Variants in COL12A1 observed in about 807,000 individuals in gnomAD.
The protein encoded by COL12A1 is collagen alpha-1(XII) chain.
In COL12A1, 114 loss-of-function variants were observed where a neutral mutation model predicts 349.7. The ratio of observed to expected loss-of-function variants is 0.33; its 90% confidence interval spans 0.28 to 0.38. The LOEUF is 0.38. COL12A1 is among the 10% of genes least tolerant of loss of function. The pLI, the probability that COL12A1 is intolerant of heterozygous loss-of-function variation, is 1.00. For synonymous variants in COL12A1, 1,369 were observed against 1,329.0 expected (o/e 1.03, Z -0.66); for missense variants, 3,284 against 3,756.9 (o/e 0.87, Z 3.29).
intron 59 of COL12A1, among the ~76,000 whole-genome samples, chr6:75,096,851 C>A (rs575396414): frequency 5.4e-4 from 81 of 149,222 alleles, no homozygotes; most frequent in Non-Finnish European, 1.1e-3. Context: ...AGCCGAGATC[C>A]CGCCACTGCA....
At chr6:75,182,960 G>C in intron 10 of COL12A1, 90 bp downstream of exon 10, 1 of 1,445,394 alleles carries the variant, frequency 6.9e-7, no homozygotes, top group East Asian at 2.3e-5. Flanking sequence ...GTGTCTATAA[G>C]AAGAATTGAA....
intron 14 of COL12A1, among the ~76,000 whole-genome samples, chr6:75,156,758 G>A (rs963043758): frequency 5.9e-5 from 9 of 152,128 alleles, no homozygotes; most frequent in Non-Finnish European, 1.0e-4. Flanking sequence ...AGTTCATATT[G>A]CAGAGATTTC....
chr6:75,096,494 G>A (rs1582040439), intron 59 of COL12A1, among the ~76,000 whole-genome samples: 1 of 152,126 alleles, frequency 6.6e-6, no homozygotes, highest in Admixed American at 6.5e-5. Context: ...AATATCTTAC[G>A]TTGAAGACCC....
intron 43 of COL12A1, among the ~76,000 whole-genome samples, chr6:75,123,082 A>G (rs1457572660): frequency 1.3e-5 from 2 of 152,332 alleles, no homozygotes; most frequent in East Asian, 3.9e-4. Flanking sequence ...AAATCTGTAA[A>G]ACTGAGGAAA....
chr6:75,138,824 C>G lies in COL12A1; in HGVS notation c.5095G>C (p.Glu1699Gln), dbSNP rs1369964113. Residue 1699 changes from glutamate (E) to glutamine (Q), a missense_variant and splice_region_variant, in exon 28 of 66, where the codon GAG (glutamate) becomes CAG (glutamine). By Grantham distance (29) the Glu-to-Gln change is conservative (BLOSUM62 2). Transcript: ENST00000322507. ...GAAAGATAAAGAGAGTTAACTACCT[C>G]CATCTTATCTGAGCTTCCAAAAGGT... ...WAPFGSSDKM[E>Q]TILNGDENTL... 3 of 1,613,820 alleles carry G rather than the reference C, an allele frequency of 1.9e-6. No individual in the cohort carries two copies. Among genetic ancestry groups the G allele is most frequent in the Non-Finnish European group, 2.5e-6 (3 of 1,179,898 alleles).
At chr6:75,143,679 A>G (rs1767029889) in intron 25 of COL12A1, among the ~76,000 whole-genome samples, 4 of 152,214 alleles carry the variant, frequency 2.6e-5, no homozygotes. Flanking sequence ...CTTGCTGCTC[A>G]ACCCCATAAT....
intron 31 of COL12A1, among the ~76,000 whole-genome samples, chr6:75,135,435 C>T (rs1766555264): frequency 6.6e-6 from 1 of 152,158 alleles, no homozygotes; most frequent in Non-Finnish European, 1.5e-5. Flanking sequence ...CAGTTGTCTC[C>T]ATGATACCAG....
chr6:75,167,951 A>G (rs1020394515), intron 13 of COL12A1, among the ~76,000 whole-genome samples: 2 of 152,232 alleles, frequency 1.3e-5, no homozygotes, highest in African/African-American at 2.4e-5. Context: ...ATGGCATGAC[A>G]ACACTATTTT....
At chr6:75,169,150 T>C (rs73749978) in intron 13 of COL12A1, among the ~76,000 whole-genome samples, 274 of 152,324 alleles carry the variant, frequency 1.8e-3, no homozygotes, top group African/African-American at 6.4e-3. Flanking sequence ...TTAATGAAGT[T>C]CTAAGTGTTA....
Position 75,106,474 on chromosome 6 carries a change from A to G in COL12A1, c.8123T>C (p.Ile2708Thr), listed in dbSNP as rs1410721219. The G allele has an allele frequency of 1.2e-6, 2 of 1,613,962 alleles. No individual in the cohort carries two copies. Among genetic ancestry groups the G allele is most frequent in the Non-Finnish European group, 1.7e-6 (2 of 1,179,864 alleles). Residue 2708 changes from isoleucine to threonine, a missense_variant, in exon 53 of 66, where the codon ATT (isoleucine) becomes ACT (threonine). Transcript: ENST00000322507. ...ACTGGTCCACACTGGACTGCAGACA[A>G]TGTCAAAACTCTGGATTTGGAACTG... ...SAAFQIQSFD[I>T]VCSPVWTSRD...
chr6:75,174,054 T>C (rs1768781427), intron 13 of COL12A1, among the ~76,000 whole-genome samples: 1 of 152,210 alleles, frequency 6.6e-6, no homozygotes. Flanking sequence ...TCCCTTGCAT[T>C]ATTCACTTAG....
chr6:75,116,649 A>G (rs1582074987), intron 47 of COL12A1, among the ~76,000 whole-genome samples: 1 of 152,232 alleles, frequency 6.6e-6, no homozygotes. Context: ...GTAAACCAAC[A>G]AAGTCTGTTT....
chr6:75,115,783 C>T lies in COL12A1; in HGVS notation c.7697+1G>A, dbSNP rs1178118885. On this transcript the variant is annotated splice_donor_variant, in intron 49 of 65. Transcript: ENST00000322507. LOFTEE classifies it high-confidence loss of function. ...GGAAAACCTCCTGTTGTCACACTTA[C>T]GCTGTAGGCTGATTCACAAACGCAT... 3.7e-6 allele frequency: 6 copies of T among 1,601,402 alleles called. No homozygotes were observed. The highest frequency in any genetic ancestry group is 4.3e-6 in the Non-Finnish European group (5 of 1,176,132).
chr6:75,106,443 G>C lies in COL12A1; in HGVS notation c.8154C>G (p.Asp2718Glu), dbSNP rs755937482. The change falls in exon 53 of 66, where the codon GAC (aspartate) becomes GAG (glutamate). Residue 2718 changes from aspartate to glutamate, a missense_variant. By Grantham distance (45) the Asp-to-Glu change is conservative (BLOSUM62 2). Around this residue, in one of 2 missense-constraint regions of COL12A1, gnomAD observed 683 missense variants for 932.1 expected, o/e 0.73. Coordinates refer to ENST00000322507, the MANE Select transcript of COL12A1 (RefSeq NM_004370.6). Reference sequence around the variant, plus strand: ...CCCTAGAGGGAATATCACAGCATCTGTCTCTACTGGTCCACACTGGACTGC... The same window carrying C: ...CCCTAGAGGGAATATCACAGCATCTCTCTCTACTGGTCCACACTGGACTGC... ...IVCSPVWTSR[D>E]RCCDIPSRRD... 5.0e-6 allele frequency: 8 copies of C among 1,613,776 alleles called. No homozygotes were observed. Among genetic ancestry groups the C allele is most frequent in the Non-Finnish European group, 8.5e-7 (1 of 1,179,834 alleles).
intron 2 of COL12A1, 62 bp downstream of exon 2, chr6:75,202,658 T>C (rs539239432): frequency 1.4e-5 from 20 of 1,448,770 alleles, no homozygotes; most frequent in Non-Finnish European, 1.8e-5. Flanking sequence ...GCAAGAAAGA[T>C]GTGTTTTTTC....
In COL12A1 at chr6:75,090,554, T is replaced by TA. The variant is rs1390056514; in HGVS notation, c.8753-257dup. On this transcript the variant is annotated intron_variant, in intron 62 of 65. Transcript: ENST00000322507. This position sits in a 1 kb window ranked among gnomAD's most constrained non-coding sequence, Gnocchi z 4.1. Reference sequence around the variant, plus strand: ...ATTACTACAAATATAAAAGAGTTGTTAAAGTTTAATATGGCTCTGAAATAA... The same window carrying TA: ...ATTACTACAAATATAAAAGAGTTGTTAAAAGTTTAATATGGCTCTGAAATAA... Among the ~76,000 whole-genome samples the TA allele has an allele frequency of 2.6e-5, 4 of 152,220 alleles. No individual in the cohort carries two copies. The highest frequency in any genetic ancestry group is 7.2e-5 in the African/African-American group (3 of 41,458).
intron 34 of COL12A1, 25 bp from the exon 35 acceptor site, chr6:75,132,107 ATTT>A (rs1465959764): frequency 6.2e-7 from 1 of 1,612,176 alleles, no homozygotes. Context: ...GCCAACATCT[ATTT>A]TTTAAGTCTG....
At chr6:75,104,337 A>T (rs1041450934) in intron 54 of COL12A1, among the ~76,000 whole-genome samples, 1 of 152,200 alleles carries the variant, frequency 6.6e-6, no homozygotes. Context: ...TAATTTCATG[A>T]TTATAAATAT....
rs1307343518 is a variant in COL12A1 at position 75,183,573 on chromosome 6, A to T, written c.1368T>A (p.Phe456Leu). Residue 456 changes from phenylalanine to leucine, a missense_variant, in exon 10 of 66, where the codon TTT (phenylalanine) becomes TTA (leucine). Transcript: ENST00000322507. ...DGSYSIGIAN[F>L]VKVRAFLEVL... is the part of the protein sequence containing the mutation. ...CTTCCAAAAAGGCTCTAACTTTAAC[A>T]AAGTTTGCAATCCCAATGCTATAGG... is the stretch of plus-strand genomic sequence containing the variant. 1 of 1,614,140 alleles carries T rather than the reference A, an allele frequency of 6.2e-7. No individual in the cohort carries two copies. Among genetic ancestry groups the T allele is most frequent in the South Asian group, 1.1e-5 (1 of 91,078 alleles).
Sources: allele counts gnomAD v4.1 joint callset (sites outside exome capture counted in the v4.1 genomes callset), GRCh38; gene constraint gnomAD v4.1.1; regional missense constraint gnomAD v4.1.1; non-coding constraint Gnocchi (gnomAD v3.1); transcripts MANE v1.5; gene names NCBI Gene and HGNC (gene_info 2026-07-23, HGNC 2026-07-21).